RYR2: variants seen among roughly 807,000 people sequenced by gnomAD.
RYR2 encodes cardiac muscle ryanodine receptor-calcium release channel.
Under a neutral mutation model 601.1 loss-of-function variants are expected in RYR2, and 227 were observed. The ratio of observed to expected loss-of-function variants is 0.38; its 90% CI spans 0.34 to 0.42. RYR2 has a LOEUF of 0.42. Among genes scored for constraint, RYR2 ranks in the 10% least tolerant of loss-of-function variants. RYR2 has a pLI of 1.00. For synonymous variants in RYR2, 2,223 were observed against 2,175.1 expected, an observed-to-expected ratio of 1.02 and a Z score of -0.61; for missense variants, 4,646 against 6,156.5, an observed-to-expected ratio of 0.75 and a Z score of 8.21.
chr1:237,445,637 G>T, intron 14 of RYR2, 115 bp downstream of exon 14: 1 of 1,278,956 alleles, frequency 7.8e-7, no homozygotes, highest in Non-Finnish European at 1.1e-6. Context: ...CATACTGTTT[G>T]GTAAGTCAGC....
At chr1:237,422,793 G>A (rs1468761823) in intron 11 of RYR2, among the ~76,000 whole-genome samples, 1 of 152,154 alleles carries the variant, frequency 6.6e-6, no homozygotes, top group Non-Finnish European at 1.5e-5. Flanking sequence ...TGGAGCACAA[G>A]TTCTTTGTTA....
chr1:237,223,977 G>C (rs1243300359), intron 1 of RYR2, among the ~76,000 whole-genome samples: 1 of 152,038 alleles, frequency 6.6e-6, no homozygotes, highest in Non-Finnish European at 1.5e-5. Context: ...ATTATTCTTA[G>C]GGTTCTACTG....
At chr1:237,670,338 AC>A (rs1312737008) in intron 58 of RYR2, among the ~76,000 whole-genome samples, 2 of 125,916 alleles carry the variant, frequency 1.6e-5, no homozygotes, top group South Asian at 2.8e-4. Context: ...GGAGAGGGAG[AC>A]GGGAGAGGGA....
chr1:237,757,121 T>C (rs1318339196), intron 81 of RYR2, among the ~76,000 whole-genome samples: 1 of 152,188 alleles, frequency 6.6e-6, no homozygotes, highest in Non-Finnish European at 1.5e-5. Flanking sequence ...GAATAGAAGA[T>C]TATTTATATT....
Position 237,106,326 on chromosome 1 carries a change from G to A in RYR2, c.48+63757G>A, listed in dbSNP as rs142531222. Among the ~76,000 whole-genome samples the A allele has an allele frequency of 2.7e-3, 416 of 152,274 alleles. 2 individuals carry two copies. The highest frequency in any genetic ancestry group is 8.9e-3 in the African/African-American group (370 of 41,562). On this transcript the variant is annotated intron_variant, in intron 1 of 104. Coordinates refer to ENST00000366574, the MANE Select transcript of RYR2 (RefSeq NM_001035.3). The surrounding 1 kb of genome is among the most constrained non-coding windows in gnomAD (Gnocchi z 4.4). The stretch of plus-strand genomic sequence containing the variant: ...CAGGCTCTGATGTGGCTTGCAGCAC[G>A]GTGGCAGCAGGGGGAGGTGGCACCG...
intron 98 of RYR2, among the ~76,000 whole-genome samples, chr1:237,804,355 T>G (rs1660368953): frequency 1.6e-5 from 2 of 127,446 alleles, no homozygotes; most frequent in Non-Finnish European, 3.5e-5. Flanking sequence ...TTCTGCCACT[T>G]GACCTCTAGC....
chr1:237,329,903 C>A (rs1255660616), intron 2 of RYR2, among the ~76,000 whole-genome samples: 1 of 151,998 alleles, frequency 6.6e-6, no homozygotes, highest in Non-Finnish European at 1.5e-5. Flanking sequence ...AAAAATAAAG[C>A]AATACAGATA....
In RYR2 at chr1:237,663,741, T is replaced by G. The variant is rs183737755; in HGVS notation, c.8437-2771T>G. ...AGGTGAGCCATAATTTTTGTCGTTA[T>G]CATCGTTATGTGGATCAATAACCTG... On this transcript the variant is annotated intron_variant, in intron 56 of 104. Transcript: ENST00000366574. Among the ~76,000 whole-genome samples the G allele has an allele frequency of 2.1e-4, 32 of 152,366 alleles. No individual in the cohort carries two copies. The East Asian group carries it at 5.6e-3, about 27-fold the overall frequency.
chr1:237,809,154 G>A (rs1021966839), intron 100 of RYR2, 119 bp downstream of exon 100: 3 of 942,748 alleles, frequency 3.2e-6, no homozygotes, highest in Admixed American at 2.3e-5. Flanking sequence ...CAAATAAAAA[G>A]TTGCAGGGCT....
At chr1:237,289,760 A>C (rs770960481) in intron 2 of RYR2, among the ~76,000 whole-genome samples, 7 of 152,248 alleles carry the variant, frequency 4.6e-5, no homozygotes, top group Non-Finnish European at 1.0e-4. Context: ...CTTATACATA[A>C]TTAAAAAATT....
Position 237,628,077 on chromosome 1 carries a change from T to C in RYR2, c.6437T>C (p.Leu2146Ser). Residue 2146 changes from leucine (L) to serine (S), a missense_variant, in exon 41 of 105, where the codon TTA becomes TCA. Leu to Ser is a moderately radical substitution (Grantham distance 145). This residue lies in a region of RYR2 where 137 missense variants were observed against 273.6 expected (regional missense o/e 0.50). Coordinates refer to ENST00000366574, the MANE Select transcript of RYR2 (RefSeq NM_001035.3). Reference sequence around the variant, plus strand: ...GAAGAGAAGCTCATGATTCGTGGATTAGGGTAAATTATTTAACTACTACAA... The same window carrying C: ...GAAGAGAAGCTCATGATTCGTGGATCAGGGTAAATTATTTAACTACTACAA... ...KEEEKLMIRG[L>S]GDIMNNKVFY... 6.2e-6 allele frequency: 10 copies of C among 1,613,142 alleles called. No homozygotes were observed. Among genetic ancestry groups the C allele is most frequent in the Non-Finnish European group, 8.5e-6 (10 of 1,179,358 alleles).
chr1:237,071,945 T>C (rs78783961), intron 1 of RYR2, among the ~76,000 whole-genome samples: 15,664 of 152,300 alleles, frequency 0.1, 2,402 homozygotes, highest in African/African-American at 0.33. Context: ...CAGGTCGCGA[T>C]AGCGCCCGGG....
chr1:237,500,916 A>C lies in RYR2; in HGVS notation c.2396+13A>C. 1 of 1,612,692 alleles carries C rather than the reference A, an allele frequency of 6.2e-7. No individual in the cohort carries two copies. The highest frequency in any genetic ancestry group is 8.5e-7 in the Non-Finnish European group (1 of 1,178,748). Reference sequence around the variant, plus strand: ...CTGCAGGAATAAAGTTAGTATGTCTATGTTTTTTGGTCTCTTTCCTTTCTC... The same window carrying C: ...CTGCAGGAATAAAGTTAGTATGTCTCTGTTTTTTGGTCTCTTTCCTTTCTC... On this transcript the variant is annotated intron_variant, in intron 21 of 104. Coordinates refer to ENST00000366574, the MANE Select transcript of RYR2 (RefSeq NM_001035.3).
intron 99 of RYR2, among the ~76,000 whole-genome samples, chr1:237,808,495 T>C (rs1660889055): frequency 6.6e-6 from 1 of 151,858 alleles, no homozygotes. Flanking sequence ...ACCCCATCTC[T>C]ACTAAAAATA....
intron 80 of RYR2, among the ~76,000 whole-genome samples, chr1:237,751,676 C>A (rs1304453627): frequency 6.6e-6 from 1 of 152,090 alleles, no homozygotes; most frequent in African/African-American, 2.4e-5. Context: ...AATTACTTGA[C>A]CCTGGTTTAG....
At chr1:237,594,032 G>C (rs1378921228) in intron 33 of RYR2, among the ~76,000 whole-genome samples, 1 of 152,192 alleles carries the variant, frequency 6.6e-6, no homozygotes, top group East Asian at 1.9e-4. Context: ...AAGACAATGT[G>C]GGCTGGTAGT....
At chr1:237,653,328 T>C (rs990876332) in intron 51 of RYR2, among the ~76,000 whole-genome samples, 2 of 152,198 alleles carry the variant, frequency 1.3e-5, no homozygotes, top group Non-Finnish European at 2.9e-5. Flanking sequence ...ATCACAGATG[T>C]ATAGTTCCTT....
In RYR2 at chr1:237,661,899, G is replaced by A. The variant is rs533039754; in HGVS notation, c.8436+952G>A. ...TCAGGGAGGACACCAAATACCACCC[G>A]TTAACATTTAGTCACGAGGTCATGT... On this transcript the variant is annotated intron_variant, in intron 56 of 104. Transcript: ENST00000366574. Among the ~76,000 whole-genome samples, 55 of 152,202 alleles carry A rather than the reference G, an allele frequency of 3.6e-4. 1 individual carries two copies. The highest frequency in any genetic ancestry group is 1.2e-3 in the Admixed American group (19 of 15,298).
intron 98 of RYR2, chr1:237,802,337 G>A (rs1282286788): frequency 6.5e-6 from 1 of 152,866 alleles, no homozygotes; most frequent in Non-Finnish European, 1.5e-5. Context: ...TTACCAAAGA[G>A]CCTTTGGAGA....
Sources: allele counts gnomAD v4.1 joint callset (sites outside exome capture counted in the v4.1 genomes callset), GRCh38; gene constraint gnomAD v4.1.1; regional missense constraint gnomAD v4.1.1; non-coding constraint Gnocchi (gnomAD v3.1); transcripts MANE v1.5; gene names NCBI Gene and HGNC (gene_info 2026-07-23, HGNC 2026-07-21).